KRTAP4-7: variants seen among roughly 807,000 people sequenced by gnomAD.
The protein encoded by KRTAP4-7 is putative keratin-associated protein 4-X.
In KRTAP4-7, 1 loss-of-function variant was observed where a neutral mutation model predicts 3.0. That is an observed-to-expected ratio of 0.33 (90% CI 0.12 to 1.57). The LOEUF is 1.57. Among genes scored for constraint, KRTAP4-7 ranks in the 40% most tolerant of loss-of-function variants. The pLI is 0.37. For missense variants in KRTAP4-7, 199 were observed against 209.1 expected, an observed-to-expected ratio of 0.95 and a Z score of 0.30; for synonymous variants, 70 against 74.6, an observed-to-expected ratio of 0.94 and a Z score of 0.32.
exon 1 of KRTAP4-7, chr17:41,084,281 C>T (rs1173144488): frequency 1.2e-5 from 20 of 1,613,716 alleles, no homozygotes; most frequent in Non-Finnish European, 1.6e-5. Context: ...AGACCTGCTG[C>T]CGCCCCAGCT....
chr17:41,084,820 C>T (rs2013621639), exon 1 of KRTAP4-7: 32 of 1,269,756 alleles, frequency 2.5e-5, no homozygotes, highest in Non-Finnish European at 3.2e-5. Context: ...ACCACCATTT[C>T]ACTGACTCTG....
At chr17:41,084,153 C>T in exon 1 of KRTAP4-7, 1 of 1,550,498 alleles carries the variant, frequency 6.4e-7, no homozygotes, top group East Asian at 2.3e-5. Context: ...GACTTCCAAA[C>T]CCAAGAACTT....
chr17:41,084,998 G>A (rs1189040997), exon 1 of KRTAP4-7: 1 of 463,716 alleles, frequency 2.2e-6, no homozygotes, highest in African/African-American at 2.0e-5. Context: ...TTCTCAGTGA[G>A]GTAGATATTA....
exon 1 of KRTAP4-7, chr17:41,085,085 G>C: frequency 4.2e-6 from 1 of 240,046 alleles, no homozygotes; most frequent in Non-Finnish European, 8.7e-6. Flanking sequence ...TTCTCCTAGG[G>C]TGAATTTCTT....
chr17:41,084,697 C>A (rs1310050991), exon 1 of KRTAP4-7: 6 of 1,565,192 alleles, frequency 3.8e-6, no homozygotes, highest in Non-Finnish European at 4.3e-6. Flanking sequence ...GGCTCACGTC[C>A]CCCTTCACCA....
rs984536139 is a variant in KRTAP4-7 at position 41,084,886 on chromosome 17, G to C, written c.*212G>C. On this transcript the variant is annotated 3_prime_UTR_variant, in exon 1 of 1. Transcript: ENST00000391417. ...TCCTTTGCTTTCTTTTTCTTCTGGT[G>C]GTGGCACCAAATGTGAATTAATTTG... is the stretch of plus-strand genomic sequence containing the variant. 6 of 736,966 alleles carry C rather than the reference G, an allele frequency of 8.1e-6. No individual in the cohort carries two copies. The Admixed American group carries it at 1.9e-4, about 23-fold the overall frequency. 45.7% of individuals were successfully genotyped at this position (736,966 alleles called of 1,614,324 possible). A position where few individuals can be genotyped will look rare whatever the true frequency, so the allele number is the denominator to read the frequency against.
chr17:41,084,663 T>C, exon 1 of KRTAP4-7: 2 of 1,594,232 alleles, frequency 1.3e-6, no homozygotes, highest in Non-Finnish European at 1.7e-6. Context: ...CTGTGCCTCC[T>C]CTTGCTGCTG....
exon 1 of KRTAP4-7, chr17:41,084,295 G>C (rs560490323): frequency 1.2e-6 from 2 of 1,613,972 alleles, no homozygotes; most frequent in African/African-American, 1.3e-5. Flanking sequence ...CCCAGCTGCT[G>C]TCAGACCACC....
At chr17:41,084,323 C>T in exon 1 of KRTAP4-7, 3 of 1,614,100 alleles carry the variant, frequency 1.9e-6, no homozygotes, top group Non-Finnish European at 2.5e-6. Flanking sequence ...GGACCACCTG[C>T]TACCGCCCCA....
exon 1 of KRTAP4-7, chr17:41,085,062 T>C (rs903883310): frequency 4.8e-5 from 14 of 292,150 alleles, no homozygotes; most frequent in Non-Finnish European, 8.1e-5. Flanking sequence ...AGCCACCCAA[T>C]TGTATTCTGT....
At chr17:41,084,400 G>A in exon 1 of KRTAP4-7, 1 of 1,422,978 alleles carries the variant, frequency 7.0e-7, no homozygotes, top group South Asian at 1.3e-5. Context: ...CCCACCTGCT[G>A]TCGCCCCACC....
exon 1 of KRTAP4-7, chr17:41,084,892 A>G (rs1234853919): frequency 1.1e-5 from 8 of 707,652 alleles, no homozygotes; most frequent in Non-Finnish European, 1.9e-5. Context: ...TGGTGGTGGC[A>G]CCAAATGTGA....
exon 1 of KRTAP4-7, chr17:41,084,403 G>A (rs555143573): frequency 4.7e-5 from 67 of 1,418,784 alleles, no homozygotes; most frequent in Middle Eastern, 1.9e-4. Flanking sequence ...ACCTGCTGTC[G>A]CCCCACCTGC....
exon 1 of KRTAP4-7, chr17:41,084,844 G>A (rs1435434878): frequency 1.7e-6 from 2 of 1,144,530 alleles, no homozygotes; most frequent in African/African-American, 1.6e-5. Context: ...GAACATTCTG[G>A]TTCATTTTAA....
At chr17:41,085,101 T>C in exon 1 of KRTAP4-7, 1 of 225,344 alleles carries the variant, frequency 4.4e-6, no homozygotes, top group South Asian at 1.2e-4. Context: ...TTCTTATGCT[T>C]TGTTGTATCT....
chr17:41,084,482 C>T (rs765231196), exon 1 of KRTAP4-7: 3 of 1,510,362 alleles, frequency 2.0e-6, no homozygotes, highest in Middle Eastern at 1.8e-4. Flanking sequence ...GCTGTATGTC[C>T]AGCTGCTGCA....
At chr17:41,084,947 A>G (rs1202023865) in exon 1 of KRTAP4-7, 2 of 597,662 alleles carry the variant, frequency 3.3e-6, no homozygotes, top group African/African-American at 3.7e-5. Flanking sequence ...CAATCTTCTG[A>G]TTTCCTTATT....
At chr17:41,084,787 G>C (rs1476352206) in exon 1 of KRTAP4-7, 3 of 1,428,732 alleles carry the variant, frequency 2.1e-6, no homozygotes, top group African/African-American at 2.9e-5. Flanking sequence ...CAATAGGATG[G>C]ACCTTATGCT....
exon 1 of KRTAP4-7, chr17:41,084,508 A>T (rs749648901): frequency 1.3e-6 from 2 of 1,563,478 alleles, no homozygotes; most frequent in Non-Finnish European, 1.7e-6. Context: ...CAGTGCTGCC[A>T]GTCTGTGTGC....
Sources: allele counts gnomAD v4.1 joint callset, GRCh38; gene constraint gnomAD v4.1.1; transcripts MANE v1.5; gene names NCBI Gene and HGNC (gene_info 2026-07-23, HGNC 2026-07-21).